Variants in ALOX5 observed in about 807,000 individuals in gnomAD.
ALOX5 encodes the protein arachidonate 5-lipoxygenase.
ALOX5 carries 64 observed loss-of-function variants against 87.9 expected under a neutral mutation model. That is an observed-to-expected ratio of 0.73 (90% CI 0.60 to 0.90). ALOX5 has a LOEUF of 0.90. Ranked by LOEUF, ALOX5 falls within the 40% of genes least tolerant of loss-of-function variation. The probability of loss-of-function intolerance (pLI) is 0.00; values close to 1 mark genes in which losing one functional copy is unlikely to be tolerated. For missense variants in ALOX5, 822 were observed against 907.5 expected (o/e 0.91, Z 1.21); for synonymous variants, 388 against 355.1 (o/e 1.09, Z -1.04).
chr10:45,416,615 A>G (rs1448637212), intron 4 of ALOX5, among the ~76,000 whole-genome samples: 2 of 152,164 alleles, frequency 1.3e-5, no homozygotes, highest in Admixed American at 1.3e-4. Context: ...GGTGGAGAGT[A>G]CTGCCACCCA....
Position 45,424,223 on chromosome 10 carries a change from A to G in ALOX5, c.661+76A>G, listed in dbSNP as rs1169289689. The G allele has an allele frequency of 5.4e-6, 7 of 1,297,728 alleles. No homozygotes were observed. The South Asian group carries it at 8.5e-5, about 16-fold the overall frequency. The allele number at this position is 1,297,728 out of a possible 1,614,324, so 80.4% of individuals were successfully genotyped here. A position where few individuals can be genotyped will look rare whatever the true frequency, so the allele number is the denominator to read the frequency against. ...TCTCCTGTCTGATACTTGCCGGGAA[A>G]TTGACAAGGGCCTTCCTGCCTGCTG... On this transcript the variant is annotated intron_variant, in intron 5 of 13. Coordinates refer to ENST00000374391, the MANE Select transcript of ALOX5 (RefSeq NM_000698.5).
At chr10:45,404,021 G>A (rs977398071) in intron 3 of ALOX5, among the ~76,000 whole-genome samples, 5 of 152,316 alleles carry the variant, frequency 3.3e-5, no homozygotes, top group African/African-American at 1.2e-4. Context: ...GTATGAATTA[G>A]TGGGGCTCTA....
chr10:45,442,906 C>A, intron 9 of ALOX5, 132 bp from the exon 10 acceptor site: 1 of 918,858 alleles, frequency 1.1e-6, no homozygotes, highest in East Asian at 2.6e-5. Flanking sequence ...ATCCCTCCCC[C>A]ATCTCACAGG....
rs1839492704 is a variant in ALOX5, at chr10:45,374,284, C to T, written c.5C>T (p.Pro2Leu). 2.0e-6 allele frequency: 3 copies of T among 1,486,950 alleles called. No individual in the cohort carries two copies. The highest frequency in any genetic ancestry group is 2.7e-6 in the Non-Finnish European group (3 of 1,117,554). 92.1% of individuals were successfully genotyped at this position (1,486,950 alleles called of 1,614,324 possible). Reference protein sequence around the residue: MPSYTVTVATGS... With the variant: MLSYTVTVATGS... ...GCTGCTCCCGCGGCCCGCGCCATGC[C>T]CTCCTACACGGTCACCGTGGCCACT... The change falls in exon 1 of 14, where the codon CCC (proline) becomes CTC (leucine). Residue 2 changes from proline (P) to leucine (L), a missense_variant. By Grantham distance (98) the Pro-to-Leu change is moderately conservative. Transcript: ENST00000374391.
intron 4 of ALOX5, among the ~76,000 whole-genome samples, chr10:45,422,280 G>T (rs1490053784): frequency 6.6e-6 from 1 of 152,272 alleles, no homozygotes; most frequent in East Asian, 1.9e-4. Context: ...GCTCTCCCCA[G>T]CCTCCATCCT....
At chr10:45,397,419 C>T (rs1159638436) in intron 3 of ALOX5, among the ~76,000 whole-genome samples, 1 of 152,136 alleles carries the variant, frequency 6.6e-6, no homozygotes, top group Non-Finnish European at 1.5e-5. Flanking sequence ...TAACATTATA[C>T]TTAATGATGA....
intron 12 of ALOX5, 104 bp downstream of exon 12, chr10:45,443,932 G>T (rs1842341062): frequency 2.1e-6 from 3 of 1,452,122 alleles, no homozygotes; most frequent in African/African-American, 1.4e-5. Flanking sequence ...CAGCCTCGGG[G>T]CCTGGCACGG....
chr10:45,440,804 G>A (rs1394739955), intron 8 of ALOX5, among the ~76,000 whole-genome samples, 171 bp downstream of exon 8: 1 of 152,200 alleles, frequency 6.6e-6, no homozygotes. Context: ...AAACAGCTAG[G>A]AGCCTGCTGT....
At position 45,443,482 on chromosome 10, in the gene ALOX5, G is replaced by A. The variant is rs770952499; in HGVS notation, c.1518G>A (p.Leu506=). ...AGGTGGTGGAGGAGGACCCGGAGCT[G>A]CAGGACTTCGTGAACGATGTCTACG... The part of the protein sequence containing the change: ...GDQVVEEDPE[L]QDFVNDVYVY... The change falls in exon 11 of 14, where the codon CTG becomes CTA. Residue 506 remains leucine, a synonymous_variant. Coordinates refer to ENST00000374391, the MANE Select transcript of ALOX5 (RefSeq NM_000698.5). 2.5e-6 allele frequency: 4 copies of A among 1,613,100 alleles called. No individual in the cohort carries two copies. The highest frequency in any genetic ancestry group is 3.4e-6 in the Non-Finnish European group (4 of 1,179,614).
At chr10:45,423,979 A>C in intron 4 of ALOX5, 62 bp from the exon 5 acceptor site, 1 of 1,333,568 alleles carries the variant, frequency 7.5e-7, no homozygotes, top group Admixed American at 1.7e-5. Flanking sequence ...CTTGGTGTGA[A>C]GGGGCTCTGC....
intron 12 of ALOX5, 57 bp from the exon 13 acceptor site, chr10:45,444,059 G>C: frequency 6.7e-7 from 1 of 1,487,004 alleles, no homozygotes; most frequent in Middle Eastern, 2.4e-4. Flanking sequence ...GGCCCAGGGG[G>C]CAGCTGGGCA....
chr10:45,429,108 G>A (rs752667340), intron 7 of ALOX5, among the ~76,000 whole-genome samples: 8 of 152,184 alleles, frequency 5.3e-5, no homozygotes, highest in Non-Finnish European at 8.8e-5. Flanking sequence ...GACCACTGAG[G>A]GGCACCATGG....
chr10:45,378,748 C>A (rs183172329), intron 1 of ALOX5, among the ~76,000 whole-genome samples: 5 of 152,280 alleles, frequency 3.3e-5, no homozygotes, highest in Admixed American at 6.5e-5. Flanking sequence ...TCTTTTACTC[C>A]CTGAGTTGGG....
intron 4 of ALOX5, among the ~76,000 whole-genome samples, chr10:45,423,739 C>T (rs1365358891): frequency 1.3e-5 from 2 of 152,156 alleles, no homozygotes; most frequent in South Asian, 2.1e-4. Context: ...ACTGGCCCAC[C>T]GAGTGGGGGA....
chr10:45,402,279 A>T (rs992993260), intron 3 of ALOX5, among the ~76,000 whole-genome samples: 3 of 152,108 alleles, frequency 2.0e-5, no homozygotes, highest in African/African-American at 7.2e-5. Context: ...GGGGTGAGAA[A>T]TCCCACACCA....
intron 6 of ALOX5, 125 bp from the exon 7 acceptor site, chr10:45,428,493 A>C: frequency 1.6e-6 from 2 of 1,247,712 alleles, no homozygotes; most frequent in Non-Finnish European, 2.2e-6. Context: ...AGAAGTACAC[A>C]TTCTGAGCTC....
At chr10:45,387,609 C>T (rs1212183452) in intron 2 of ALOX5, among the ~76,000 whole-genome samples, 2 of 152,118 alleles carry the variant, frequency 1.3e-5, no homozygotes, top group African/African-American at 4.8e-5. Flanking sequence ...ACACGCAGGC[C>T]AGAGTTAGGC....
intron 1 of ALOX5, among the ~76,000 whole-genome samples, chr10:45,375,806 G>A (rs1180504903): frequency 6.6e-6 from 1 of 152,238 alleles, no homozygotes; most frequent in Non-Finnish European, 1.5e-5. Context: ...GAGTACAAGA[G>A]CAACCTTCAG....
chr10:45,387,683 C>G (rs1840054682), intron 2 of ALOX5, among the ~76,000 whole-genome samples: 1 of 152,160 alleles, frequency 6.6e-6, no homozygotes, highest in African/African-American at 2.4e-5. Context: ...ACATGATTCT[C>G]TAAGCACTGA....
Sources: allele counts gnomAD v4.1 joint callset (sites outside exome capture counted in the v4.1 genomes callset), GRCh38; gene constraint gnomAD v4.1.1; transcripts MANE v1.5; gene names NCBI Gene and HGNC (gene_info 2026-07-23, HGNC 2026-07-21).